Variants in SLC44A1 observed in about 807,000 individuals in gnomAD.
The protein encoded by SLC44A1 is choline transporter-like protein 1.
SLC44A1 carries 26 observed loss-of-function variants against 79.3 expected under a neutral mutation model. That is an observed-to-expected ratio of 0.33 (90% CI 0.24 to 0.46). The LOEUF (loss-of-function observed/expected upper bound fraction) is 0.46, where lower values mean the gene tolerates loss of function less well. Among genes scored for constraint, SLC44A1 ranks in the 20% least tolerant of loss-of-function variants. The pLI is 1.00. For synonymous variants in SLC44A1, 263 were observed against 286.2 expected, an observed-to-expected ratio of 0.92 and a Z score of 0.82; for missense variants, 688 against 798.1, an observed-to-expected ratio of 0.86 and a Z score of 1.66.
chr9:105,420,971 C>A (rs1829241929), intron 15 of SLC44A1, among the ~76,000 whole-genome samples: 1 of 149,680 alleles, frequency 6.7e-6, no homozygotes, highest in African/African-American at 2.5e-5. Flanking sequence ...CAGAAAGACA[C>A]AGATATATAG....
At chr9:105,326,056 G>GT (rs1002003060) in intron 3 of SLC44A1, among the ~76,000 whole-genome samples, 4 of 152,216 alleles carry the variant, frequency 2.6e-5, no homozygotes, top group African/African-American at 4.8e-5. Flanking sequence ...GTAGAAAATT[G>GT]TTTTTTTATG....
intron 1 of SLC44A1, among the ~76,000 whole-genome samples, chr9:105,246,737 G>C (rs1003346221): frequency 6.6e-6 from 1 of 152,144 alleles, no homozygotes; most frequent in African/African-American, 2.4e-5. Context: ...AGACAGAAAA[G>C]TATTGATAGT....
chr9:105,247,570 T>A (rs916602258), intron 1 of SLC44A1, among the ~76,000 whole-genome samples: 7 of 152,232 alleles, frequency 4.6e-5, no homozygotes, highest in African/African-American at 1.7e-4. Flanking sequence ...GTGCTGGTAT[T>A]ACAGACATGA....
chr9:105,320,292 CTTTT>C (rs34573916), intron 3 of SLC44A1, among the ~76,000 whole-genome samples: 6,081 of 119,060 alleles, frequency 0.051, 410 homozygotes, highest in African/African-American at 0.17. Context: ...CAATATTTAA[CTTTT>C]TTTTTTTTTT....
At chr9:105,264,463 T>C (rs1829913800) in intron 1 of SLC44A1, among the ~76,000 whole-genome samples, 1 of 152,198 alleles carries the variant, frequency 6.6e-6, no homozygotes, top group Admixed American at 6.5e-5. Flanking sequence ...CCTCGCACCC[T>C]GCCTAATGTT....
downstream of SLC44A1, among the ~76,000 whole-genome samples, chr9:105,400,416 G>A (rs1176656919): frequency 3.9e-5 from 6 of 152,180 alleles, no homozygotes; most frequent in East Asian, 1.9e-4. Context: ...TTGAACCAGC[G>A]AGGTGGAGGT....
intron 1 of SLC44A1, among the ~76,000 whole-genome samples, chr9:105,257,143 C>T (rs912300861): frequency 1.3e-5 from 2 of 151,304 alleles, no homozygotes; most frequent in Non-Finnish European, 2.9e-5. Flanking sequence ...GTTGCCCATA[C>T]TGGAGTACAG....
chr9:105,420,270 A>G (rs182729443), intron 15 of SLC44A1, among the ~76,000 whole-genome samples: 1 of 152,318 alleles, frequency 6.6e-6, no homozygotes, highest in African/African-American at 2.4e-5. Flanking sequence ...TTCTTGTTAG[A>G]GTTCTAGAAA....
chr9:105,385,694 T>G, intron 15 of SLC44A1, 192 bp downstream of exon 15: 1 of 985,404 alleles, frequency 1.0e-6, no homozygotes, highest in Non-Finnish European at 1.2e-6. Flanking sequence ...TGAGACCACC[T>G]TCTATAAAAG....
At position 105,397,068 on chromosome 9, in the gene SLC44A1, C is replaced by A. The variant is rs1199169976; in HGVS notation, c.*8012C>A. On this transcript the variant is annotated 3_prime_UTR_variant, in exon 16 of 16. Coordinates refer to ENST00000374720, the MANE Select transcript of SLC44A1 (RefSeq NM_080546.5). ...ATATGTATATTAAGCAATTAACTTT[C>A]TGGAGTTGGAGTTATCAAATCTTGC... 4 of 985,160 alleles carry A rather than the reference C, an allele frequency of 4.1e-6. No homozygotes were observed. The African/African-American group carries it at 7.0e-5, about 17-fold the overall frequency. 61.0% of individuals were successfully genotyped at this position (985,160 alleles called of 1,614,324 possible).
At chr9:105,317,191 C>T (rs183312559) in intron 3 of SLC44A1, among the ~76,000 whole-genome samples, 1 of 152,156 alleles carries the variant, frequency 6.6e-6, no homozygotes, top group Admixed American at 6.5e-5. Flanking sequence ...CTCATGACTC[C>T]CATCCTCCAG....
intron 15 of SLC44A1, among the ~76,000 whole-genome samples, chr9:105,417,861 AAT>A (rs2131512932): frequency 7.0e-6 from 1 of 143,522 alleles, no homozygotes; most frequent in African/African-American, 2.8e-5. Context: ...AAAAAAAAAC[AAT>A]TTAATTAGCC....
In SLC44A1 at chr9:105,389,152, T is replaced by C; in HGVS notation, c.*96T>C. On this transcript the variant is annotated 3_prime_UTR_variant, in exon 16 of 16. Transcript: ENST00000374720. ...GTGTGGGTGTGTGTATATATGTATA[T>C]GTATGTGTGTATATATGTATATGTA... 6.5e-7 allele frequency: 1 copy of C among 1,546,804 alleles called. No homozygotes were observed. Among genetic ancestry groups the C allele is most frequent in the Non-Finnish European group, 8.8e-7 (1 of 1,132,432 alleles).
intron 13 of SLC44A1, among the ~76,000 whole-genome samples, chr9:105,380,371 T>C (rs35603631): frequency 0.21 from 31,422 of 151,806 alleles, 5,063 homozygotes; most frequent in African/African-American, 0.45. Context: ...TTTTTTGAGA[T>C]GGAATCTGGT....
Position 105,395,897 on chromosome 9 carries a change from A to ACTT in SLC44A1, c.*6842_*6844dup. 1 of 922,494 alleles carries ACTT rather than the reference A, an allele frequency of 1.1e-6. No homozygotes were observed. The highest frequency in any genetic ancestry group is 1.3e-6 in the Non-Finnish European group (1 of 779,562). 57.1% of individuals were successfully genotyped at this position (922,494 alleles called of 1,614,324 possible). ...TTACCATGTTGATAATCCGGTGGTG[A>ACTT]CTTTTTTTTTTTTTTTGTAAATTGT... On this transcript the variant is annotated 3_prime_UTR_variant, in exon 16 of 16. Coordinates refer to ENST00000374720, the MANE Select transcript of SLC44A1 (RefSeq NM_080546.5).
At chr9:105,335,959 CT>C (rs1280647236) in intron 4 of SLC44A1, among the ~76,000 whole-genome samples, 1 of 152,064 alleles carries the variant, frequency 6.6e-6, no homozygotes, top group Non-Finnish European at 1.5e-5. Flanking sequence ...TCTCAGGTGA[CT>C]TTGATGTAGT....
intron 3 of SLC44A1, among the ~76,000 whole-genome samples, chr9:105,331,428 G>A (rs1826745725): frequency 1.3e-5 from 2 of 152,174 alleles, no homozygotes; most frequent in South Asian, 4.1e-4. Flanking sequence ...AATCTGGTTT[G>A]TCAATACCAT....
chr9:105,380,266 C>T (rs1828421254), intron 13 of SLC44A1, among the ~76,000 whole-genome samples: 1 of 152,176 alleles, frequency 6.6e-6, no homozygotes, highest in South Asian at 2.1e-4. Context: ...GTTTCCTTTC[C>T]TTCCTGCTTC....
At chr9:105,309,583 A>G (rs1831121836) in intron 2 of SLC44A1, 141 bp from the exon 3 acceptor site, 1 of 683,460 alleles carries the variant, frequency 1.5e-6, no homozygotes, top group Non-Finnish European at 2.4e-6. Context: ...TCCAAGGAAA[A>G]CAGTGGAATA....
Sources: allele counts gnomAD v4.1 joint callset (sites outside exome capture counted in the v4.1 genomes callset), GRCh38; gene constraint gnomAD v4.1.1; transcripts MANE v1.5; gene names NCBI Gene and HGNC (gene_info 2026-07-23, HGNC 2026-07-21).